Variants in GRIK3 observed in about 807,000 individuals in gnomAD.
GRIK3 encodes the protein glutamate ionotropic receptor kainate type subunit 3.
Under a neutral mutation model 102.5 loss-of-function variants are expected in GRIK3, and 29 were observed. That is an observed-to-expected ratio of 0.28 (90% CI 0.21 to 0.39). The LOEUF (loss-of-function observed/expected upper bound fraction) is 0.39, where lower values mean the gene tolerates loss of function less well. GRIK3 is among the 10% of genes least tolerant of loss of function. GRIK3 has a pLI of 1.00. For synonymous variants in GRIK3, 511 were observed against 504.9 expected (o/e 1.01, Z -0.16); for missense variants, 908 against 1,252.4 (o/e 0.73, Z 4.15).
intron 1 of GRIK3, among the ~76,000 whole-genome samples, chr1:36,937,242 G>A (rs1441095353): frequency 6.6e-6 from 1 of 152,164 alleles, no homozygotes; most frequent in Non-Finnish European, 1.5e-5. Context: ...AGTGGGATGG[G>A]GAGACACAGC....
intron 1 of GRIK3, among the ~76,000 whole-genome samples, chr1:36,977,910 G>A (rs1642211515): frequency 6.6e-6 from 1 of 152,258 alleles, no homozygotes; most frequent in African/African-American, 2.4e-5. Context: ...TCTGGGGGCA[G>A]GCCCTGCAGG....
At chr1:36,949,791 A>C (rs550733) in intron 1 of GRIK3, among the ~76,000 whole-genome samples, 63,025 of 151,672 alleles carry the variant, frequency 0.42, 13,405 homozygotes, top group East Asian at 0.65. Flanking sequence ...GTTGGCCAGG[A>C]TGGTTTCGAA....
At chr1:37,010,214 C>T (rs990719640) in intron 1 of GRIK3, among the ~76,000 whole-genome samples, 62 of 152,208 alleles carry the variant, frequency 4.1e-4, no homozygotes, top group African/African-American at 1.4e-3. Flanking sequence ...ACTCCTTGCT[C>T]AGCTGCAAAT....
chr1:36,957,877 T>G (rs1251192223), intron 1 of GRIK3, among the ~76,000 whole-genome samples: 1 of 100,166 alleles, frequency 1.0e-5, no homozygotes, highest in Non-Finnish European at 1.9e-5. Flanking sequence ...CCCGTGACTC[T>G]GTGCCCCTGA....
In GRIK3 at chr1:36,872,209, C is replaced by T; in HGVS notation, c.711G>A (p.Met237Ile). Residue 237 changes from methionine (M) to isoleucine (I), a missense_variant, in exon 4 of 16, where the codon ATG becomes ATA. Transcript: ENST00000373091. This position sits in a 1 kb window ranked among gnomAD's most constrained non-coding sequence, Gnocchi z 5.9. Reference sequence around the variant, plus strand: ...GCACCTGCTTGAGGATCTGGGCCGCCATAGTGTGGCTGCAGTCGAAGATAA... The same window carrying T: ...GCACCTGCTTGAGGATCTGGGCCGCTATAGTGTGGCTGCAGTCGAAGATAA... The part of the protein sequence containing the change: ...FRIIFDCSHT[M>I]AAQILKQAMA... 6.2e-7 allele frequency: 1 copy of T among 1,605,666 alleles called. No individual in the cohort carries two copies. The highest frequency in any genetic ancestry group is 8.5e-7 in the Non-Finnish European group (1 of 1,175,216).
chr1:36,994,221 A>T (rs1190143316), intron 1 of GRIK3, among the ~76,000 whole-genome samples: 2 of 152,134 alleles, frequency 1.3e-5, no homozygotes, highest in African/African-American at 4.8e-5. Context: ...CACCTCTCTG[A>T]GCCTTGGTAT....
At chr1:37,008,931 C>T (rs973789743) in intron 1 of GRIK3, among the ~76,000 whole-genome samples, 1 of 152,156 alleles carries the variant, frequency 6.6e-6, no homozygotes, top group Non-Finnish European at 1.5e-5. Context: ...AAGGAAGAGG[C>T]AGCTGTGATA....
chr1:36,912,407 C>T (rs1458182620), intron 1 of GRIK3, among the ~76,000 whole-genome samples: 2 of 151,976 alleles, frequency 1.3e-5, no homozygotes, highest in African/African-American at 4.8e-5. Context: ...CTCAATAGGC[C>T]CCAGCAGAAC....
At chr1:36,994,527 G>A (rs1444742184) in intron 1 of GRIK3, among the ~76,000 whole-genome samples, 1 of 152,212 alleles carries the variant, frequency 6.6e-6, no homozygotes. Flanking sequence ...AAGTTCATCT[G>A]TGGAACACTG....
Position 36,880,823 on chromosome 1 carries a change from C to T in GRIK3, c.361G>A (p.Val121Ile), listed in dbSNP as rs759165297. ...TCCAGGGCATTGCAGATGGACTGGA[C>T]GGCATTGGTGCAGGAGCCCTGTGAT... is the stretch of plus-strand genomic sequence containing the variant. Reference protein sequence around the residue: ...GPSQGSCTNAVQSICNALEVP... With the variant: ...GPSQGSCTNAIQSICNALEVP... The change falls in exon 3 of 16, where the codon GTC (valine) becomes ATC (isoleucine). Residue 121 changes from valine to isoleucine, a missense_variant. This residue lies in a region of GRIK3 where 585 missense variants were observed against 824.9 expected (regional missense o/e 0.71). Coordinates refer to ENST00000373091, the MANE Select transcript of GRIK3 (RefSeq NM_000831.4). The surrounding 1 kb of genome is among the most constrained non-coding windows in gnomAD (Gnocchi z 5.4). The T allele has an allele frequency of 2.7e-5, 43 of 1,613,856 alleles. No homozygotes were observed. Among genetic ancestry groups the T allele is most frequent in the Admixed American group, 1.0e-4 (6 of 59,996 alleles).
intron 1 of GRIK3, among the ~76,000 whole-genome samples, chr1:37,006,478 G>A (rs1269669443): frequency 1.3e-5 from 2 of 152,252 alleles, no homozygotes; most frequent in African/African-American, 4.8e-5. Context: ...TGAGCCTGAT[G>A]GGCCCTTGGA....
intron 1 of GRIK3, among the ~76,000 whole-genome samples, chr1:36,985,631 C>T (rs1245808583): frequency 2.0e-5 from 3 of 152,208 alleles, no homozygotes; most frequent in African/African-American, 7.2e-5. Flanking sequence ...ATGATCTTTC[C>T]TGCTGGGGCA....
At chr1:36,993,419 C>T (rs58390860) in intron 1 of GRIK3, among the ~76,000 whole-genome samples, 5,105 of 152,240 alleles carry the variant, frequency 0.034, 276 homozygotes, top group African/African-American at 0.12. Context: ...CACGCCACCC[C>T]ACCCCGCCTG....
At chr1:37,033,313 G>T (rs1642848731) in intron 1 of GRIK3, among the ~76,000 whole-genome samples, 2 of 152,196 alleles carry the variant, frequency 1.3e-5, no homozygotes, top group Admixed American at 6.5e-5. Context: ...TGCCCGGGCC[G>T]CACTGGGCGG....
At chr1:37,021,091 A>AGTGTGTGTGT (rs140990633) in intron 1 of GRIK3, among the ~76,000 whole-genome samples, 3 of 143,930 alleles carry the variant, frequency 2.1e-5, no homozygotes, top group East Asian at 2.0e-4. Context: ...CAAATTTGCA[A>AGTGTGTGTGT]GTGTGTGTGT....
At chr1:36,989,354 G>T (rs1642340357) in intron 1 of GRIK3, among the ~76,000 whole-genome samples, 1 of 152,170 alleles carries the variant, frequency 6.6e-6, no homozygotes, top group Admixed American at 6.5e-5. Flanking sequence ...AGGAGCCCTC[G>T]CCTGCACAGC....
chr1:36,910,442 T>G (rs1641332210), intron 1 of GRIK3, among the ~76,000 whole-genome samples: 1 of 152,248 alleles, frequency 6.6e-6, no homozygotes, highest in African/African-American at 2.4e-5. Context: ...CGCAGCTCAG[T>G]GCAGCTGTGG....
chr1:36,866,915 C>T (rs1176429149), intron 5 of GRIK3, among the ~76,000 whole-genome samples: 1 of 152,196 alleles, frequency 6.6e-6, no homozygotes, highest in African/African-American at 2.4e-5. Context: ...CTACCATGTG[C>T]CAGCTTCTAT....
intron 1 of GRIK3, among the ~76,000 whole-genome samples, chr1:37,021,155 T>C (rs149155058): frequency 1.3e-3 from 160 of 120,302 alleles, no homozygotes; most frequent in African/African-American, 4.5e-3. Flanking sequence ...AGAGAGAGAA[T>C]AGGAGCGTAG....
Sources: gnomAD v4.1 joint callset for allele counts (sites outside exome capture counted in the v4.1 genomes callset) on GRCh38, gnomAD v4.1.1 for gene constraint, gnomAD v4.1.1 regional missense constraint, Gnocchi (gnomAD v3.1) non-coding constraint, MANE v1.5 for transcripts, NCBI Gene and HGNC (gene_info 2026-07-23, HGNC 2026-07-21) for gene names.